The following COPS4 variants were observed in gnomAD, a reference collection of about 807,000 sequenced individuals.
The protein encoded by COPS4 is COP9 signalosome subunit 4.
Under a neutral mutation model 55.1 loss-of-function variants are expected in COPS4, and 8 were observed. The ratio of observed to expected loss-of-function variants is 0.15; its 90% CI spans 0.09 to 0.26. COPS4 has a LOEUF of 0.26. COPS4 is among the 10% of genes least tolerant of loss of function. COPS4 has a pLI of 1.00. For synonymous variants in COPS4, 185 were observed against 165.7 expected (o/e 1.12, Z -0.90); for missense variants, 248 against 484.0 (o/e 0.51, Z 4.58).
At chr4:83,039,520 T>C (rs543849981) in intron 1 of COPS4, among the ~76,000 whole-genome samples, 4 of 152,322 alleles carry the variant, frequency 2.6e-5, no homozygotes, top group East Asian at 1.9e-4. Context: ...TGAAATTATA[T>C]TGTGGCCGTT....
At chr4:83,068,276 G>A (rs537147523) in intron 8 of COPS4, among the ~76,000 whole-genome samples, 162 bp from the exon 9 acceptor site, 2 of 152,250 alleles carry the variant, frequency 1.3e-5, no homozygotes, top group African/African-American at 4.8e-5. Flanking sequence ...AGCAAGAATT[G>A]GGAAATAGCC....
intron 1 of COPS4, among the ~76,000 whole-genome samples, chr4:83,045,237 G>A (rs999626880): frequency 6.6e-6 from 1 of 152,140 alleles, no homozygotes; most frequent in Admixed American, 6.5e-5. Flanking sequence ...ACAGTTGAAG[G>A]AAATATAGCT....
chr4:83,037,611 C>T (rs766712666), intron 1 of COPS4, among the ~76,000 whole-genome samples: 2 of 151,932 alleles, frequency 1.3e-5, no homozygotes, highest in Non-Finnish European at 2.9e-5. Context: ...CAGCTATATG[C>T]TTTAAGAGAA....
chr4:83,071,557 G>C (rs1195421373), intron 9 of COPS4, among the ~76,000 whole-genome samples: 1 of 152,024 alleles, frequency 6.6e-6, no homozygotes, highest in Non-Finnish European at 1.5e-5. Flanking sequence ...TAGCTAGGAA[G>C]GACTACAGGT....
chr4:83,068,813 T>C (rs140692451), intron 9 of COPS4, among the ~76,000 whole-genome samples: 1,885 of 152,004 alleles, frequency 0.012, 40 homozygotes, highest in African/African-American at 0.043. Context: ...CTACTAAAAA[T>C]ATAAAAATTA....
chr4:83,066,822 T>C (rs1174948403), intron 8 of COPS4, among the ~76,000 whole-genome samples: 1 of 152,214 alleles, frequency 6.6e-6, no homozygotes, highest in Non-Finnish European at 1.5e-5. Context: ...AATAGAAGTC[T>C]TTCAGGAGTT....
intron 6 of COPS4, among the ~76,000 whole-genome samples, chr4:83,060,182 A>C (rs550374033): frequency 5.1e-5 from 7 of 136,934 alleles, no homozygotes; most frequent in African/African-American, 1.6e-4. Flanking sequence ...CAGATGGTAT[A>C]GTTCTTTTTT....
intron 1 of COPS4, 107 bp downstream of exon 1, chr4:83,035,405 C>A: frequency 2.1e-6 from 2 of 956,622 alleles, no homozygotes; most frequent in South Asian, 1.4e-5. Context: ...AGGAGCCGGC[C>A]TGACGTCCAA....
chr4:83,075,039 C>G (rs1369677411), intron 9 of COPS4, among the ~76,000 whole-genome samples: 1 of 151,910 alleles, frequency 6.6e-6, no homozygotes, highest in African/African-American at 2.4e-5. Context: ...ATCGCTTGAA[C>G]TCAGGAGGTG....
intron 6 of COPS4, 90 bp downstream of exon 6, chr4:83,057,498 T>C (rs1578714023): frequency 9.7e-7 from 1 of 1,028,138 alleles, no homozygotes; most frequent in East Asian, 2.5e-5. Flanking sequence ...AGCAAGGAAC[T>C]ATTCTTCAAA....
chr4:83,038,932 C>T (rs757720657), intron 1 of COPS4, among the ~76,000 whole-genome samples: 22 of 152,154 alleles, frequency 1.4e-4, no homozygotes, highest in Non-Finnish European at 2.6e-4. Context: ...CGTGAGCCAC[C>T]GCGCCTGGCC....
chr4:83,047,975 T>C (rs1424788975), intron 2 of COPS4, among the ~76,000 whole-genome samples: 4 of 150,150 alleles, frequency 2.7e-5, no homozygotes, highest in Non-Finnish European at 5.9e-5. Context: ...CACTCCAGCC[T>C]GGGCGACAGA....
intron 1 of COPS4, among the ~76,000 whole-genome samples, chr4:83,039,720 A>G (rs531729623): frequency 5.5e-4 from 83 of 152,274 alleles, no homozygotes; most frequent in African/African-American, 1.9e-3. Context: ...CAGCCTTAAC[A>G]TGCTTGGCTC....
At chr4:83,070,587 A>T (rs1731400256) in intron 9 of COPS4, among the ~76,000 whole-genome samples, 1 of 152,174 alleles carries the variant, frequency 6.6e-6, no homozygotes, top group South Asian at 2.1e-4. Flanking sequence ...CTGGGACTAT[A>T]GGTGTGAGCC....
intron 9 of COPS4, among the ~76,000 whole-genome samples, chr4:83,070,490 CA>C (rs758746988): frequency 7.2e-5 from 11 of 152,162 alleles, no homozygotes. Flanking sequence ...CCAGCCATCC[CA>C]AAACTGTATT....
intron 7 of COPS4, among the ~76,000 whole-genome samples, chr4:83,064,013 A>T (rs964967204): frequency 3.3e-5 from 5 of 152,126 alleles, no homozygotes; most frequent in African/African-American, 1.2e-4. Context: ...CAATCCTTTT[A>T]ACTGGGTATA....
intron 2 of COPS4, among the ~76,000 whole-genome samples, chr4:83,047,828 A>G (rs2903907): frequency 1 from 151,379 of 152,070 alleles, 75,345 homozygotes; most frequent in Middle Eastern, 1. Context: ...GTGAAACCCT[A>G]TCTCTACTAA....
At chr4:83,075,143 A>T (rs1459442038) in intron 9 of COPS4, among the ~76,000 whole-genome samples, 154 bp from the exon 10 acceptor site, 1 of 151,870 alleles carries the variant, frequency 6.6e-6, no homozygotes, top group Non-Finnish European at 1.5e-5. Flanking sequence ...TATTGTTTTT[A>T]TTTTTTTTGA....
At chr4:83,042,914 A>ATT (rs761199795) in intron 1 of COPS4, among the ~76,000 whole-genome samples, 3 of 133,286 alleles carry the variant, frequency 2.3e-5, no homozygotes, top group Non-Finnish European at 4.9e-5. Context: ...CAATTTTTGT[A>ATT]TTTTTTTTTT....
Sources: gnomAD v4.1 joint callset for allele counts (sites outside exome capture counted in the v4.1 genomes callset) on GRCh38, gnomAD v4.1.1 for gene constraint, MANE v1.5 for transcripts, NCBI Gene and HGNC (gene_info 2026-07-23, HGNC 2026-07-21) for gene names.